Variants in PCF11 observed in about 807,000 individuals in gnomAD.
PCF11 encodes the protein PCF11 cleavage and polyadenylation factor subunit.
Under a neutral mutation model 166.1 loss-of-function variants are expected in PCF11, and 19 were observed. The ratio of observed to expected loss-of-function variants is 0.11; its 90% CI spans 0.08 to 0.17. PCF11 has a LOEUF of 0.17. Among genes scored for constraint, PCF11 ranks in the 10% least tolerant of loss-of-function variants. The probability of loss-of-function intolerance (pLI) is 1.00; values close to 1 mark genes in which losing one functional copy is unlikely to be tolerated. For missense variants in PCF11, 1,565 were observed against 1,855.5 expected (o/e 0.84, Z 2.88); for synonymous variants, 663 against 644.1 (o/e 1.03, Z -0.44).
At chr11:83,166,125 G>T (rs748571255) in exon 5 of PCF11, 2 of 1,610,824 alleles carry the variant, frequency 1.2e-6, no homozygotes, top group African/African-American at 2.7e-5. Context: ...ACATCTTCAG[G>T]ATAAGACCGA....
chr11:83,159,410 C>T (rs1163446276), intron 1 of PCF11, among the ~76,000 whole-genome samples: 1 of 152,126 alleles, frequency 6.6e-6, no homozygotes, highest in South Asian at 2.1e-4. Context: ...ATTTAATATT[C>T]CACAGCGCCT....
chr11:83,184,966 T>C (rs1009924440), exon 16 of PCF11: 6 of 972,244 alleles, frequency 6.2e-6, no homozygotes, highest in Non-Finnish European at 7.7e-6. Context: ...AGAATTTTTT[T>C]ATGTATATAT....
intron 13 of PCF11, 35 bp from the exon 14 acceptor site, chr11:83,182,364 T>C (rs1466147997): frequency 1.9e-6 from 2 of 1,054,544 alleles, no homozygotes; most frequent in East Asian, 4.7e-5. Context: ...ATATGGTCTA[T>C]TATGTAAATT....
intron 9 of PCF11, among the ~76,000 whole-genome samples, chr11:83,172,419 TTTTA>T (rs565457933): frequency 2.0e-5 from 3 of 152,032 alleles, no homozygotes; most frequent in Non-Finnish European, 2.9e-5. Flanking sequence ...TGGATTTTAG[TTTTA>T]TTTATTTATT....
At position 83,167,314 on chromosome 11, in the gene PCF11, T is replaced by C; in HGVS notation, c.2001+6T>C. On this transcript the variant is annotated splice_donor_region_variant and intron_variant, in intron 6 of 15. Transcript: ENST00000298281. This position sits in a 1 kb window ranked among gnomAD's most constrained non-coding sequence, Gnocchi z 4.2. ...AAAGAGAATTACTTCAAAAGGTAGTTACTATGATTAATCCCATGTAGTCAT... is the reference window on the plus strand; with the variant it reads ...AAAGAGAATTACTTCAAAAGGTAGTCACTATGATTAATCCCATGTAGTCAT... The C allele has an allele frequency of 4.3e-6, 7 of 1,609,758 alleles. No individual in the cohort carries two copies. The highest frequency in any genetic ancestry group is 5.9e-6 in the Non-Finnish European group (7 of 1,176,792).
exon 8 of PCF11, chr11:83,169,574 G>C (rs766676217): frequency 1.9e-5 from 30 of 1,613,982 alleles, no homozygotes; most frequent in Middle Eastern, 3.3e-4. Context: ...GGACCACCTG[G>C]ACAGCAGGTT....
intron 3 of PCF11, 128 bp from the exon 4 acceptor site, chr11:83,164,079 T>C: frequency 1.5e-6 from 1 of 668,692 alleles, no homozygotes; most frequent in Non-Finnish European, 2.5e-6. Flanking sequence ...TTTTGGGTTT[T>C]AAATTTCTGA....
exon 12 of PCF11, chr11:83,181,067 T>C: frequency 6.2e-7 from 1 of 1,604,068 alleles, no homozygotes; most frequent in East Asian, 2.2e-5. Context: ...TCTTGTGGAA[T>C]GAGGTTTACA....
In PCF11 at chr11:83,161,021, CCTT is replaced by C. The variant is rs572209371; in HGVS notation, c.193-305_193-303del. ...ATAAAGTAATTTTCCCTCGCCTCCT[CCTT>C]ATTTTTGTCACTTAAAACACAGGTC... On this transcript the variant is annotated intron_variant, in intron 1 of 15. Transcript: ENST00000298281. Among the ~76,000 whole-genome samples, 326 of 152,290 alleles carry C rather than the reference CCTT, an allele frequency of 2.1e-3. 1 individual carries two copies. The highest frequency in any genetic ancestry group is 2.4e-3 in the Non-Finnish European group (161 of 68,012).
At chr11:83,161,514 A>G (rs1376345998) in intron 2 of PCF11, 62 bp downstream of exon 2, 1 of 1,304,464 alleles carries the variant, frequency 7.7e-7, no homozygotes, top group Non-Finnish European at 1.0e-6. Context: ...GATTAAATAA[A>G]TATTTGCTTT....
At chr11:83,166,036 A>G in exon 5 of PCF11, 1 of 1,602,126 alleles carries the variant, frequency 6.2e-7, no homozygotes, top group Non-Finnish European at 8.5e-7. Flanking sequence ...AAATTATCTC[A>G]CACAAAAGAC....
chr11:83,167,774 C>G lies in PCF11; in HGVS notation c.2092+269C>G. On this transcript the variant is annotated intron_variant, in intron 7 of 15. Coordinates refer to ENST00000298281, the Ensembl canonical transcript of PCF11. The surrounding 1 kb of genome is among the most constrained non-coding windows in gnomAD (Gnocchi z 4.2). Reference sequence around the variant, plus strand: ...GTAGGAATAGTGGAGCACAGTTTGACAGAAAAGAACAATTTAGTGAAAGAG... The same window carrying G: ...GTAGGAATAGTGGAGCACAGTTTGAGAGAAAAGAACAATTTAGTGAAAGAG... 2 of 1,411,804 alleles carry G rather than the reference C, an allele frequency of 1.4e-6. No homozygotes were observed. Among genetic ancestry groups the G allele is most frequent in the Non-Finnish European group, 1.9e-6 (2 of 1,068,848 alleles). The allele number at this position is 1,411,804 out of a possible 1,614,324, so 87.5% of individuals were successfully genotyped here. A position where few individuals can be genotyped will look rare whatever the true frequency, so the allele number is the denominator to read the frequency against.
intron 9 of PCF11, among the ~76,000 whole-genome samples, chr11:83,172,949 A>T (rs1165908018): frequency 1.3e-5 from 2 of 152,170 alleles, no homozygotes; most frequent in African/African-American, 4.8e-5. Flanking sequence ...AAATTCAATG[A>T]ATTTGGAAGC....
chr11:83,168,936 A>T, exon 8 of PCF11: 2 of 1,613,558 alleles, frequency 1.2e-6, no homozygotes, highest in Non-Finnish European at 8.5e-7. Context: ...GATTTGAGGG[A>T]CCAGGAGGCC....
chr11:83,178,316 G>A (rs920852364), intron 11 of PCF11, among the ~76,000 whole-genome samples: 3 of 151,740 alleles, frequency 2.0e-5, no homozygotes, highest in African/African-American at 4.8e-5. Flanking sequence ...CACCACACCT[G>A]GTCCCTCAAA....
intron 9 of PCF11, among the ~76,000 whole-genome samples, chr11:83,173,501 G>A (rs1860760972): frequency 6.7e-6 from 1 of 149,740 alleles, no homozygotes; most frequent in Non-Finnish European, 1.5e-5. Flanking sequence ...GGTAGTATCA[G>A]TATTTGTCTG....
At position 83,167,943 on chromosome 11, in the gene PCF11, GTGAAGGGAAAA is replaced by G; in HGVS notation, c.2092+443_2092+453del. 8.1e-7 allele frequency: 1 copy of G among 1,239,778 alleles called. No individual in the cohort carries two copies. The highest frequency in any genetic ancestry group is 1.0e-6 in the Non-Finnish European group (1 of 965,688). 76.8% of individuals were successfully genotyped at this position (1,239,778 alleles called of 1,614,324 possible). ...ATTATGCCTATTGAATCACACAGCAGTGAAGGGAAAATGAACAAGCTAAGTGGGGATGGATT... is the reference window on the plus strand; with the variant it reads ...ATTATGCCTATTGAATCACACAGCAGTGAACAAGCTAAGTGGGGATGGATT... On this transcript the variant is annotated intron_variant, in intron 7 of 15. Coordinates refer to ENST00000298281, the Ensembl canonical transcript of PCF11. The surrounding 1 kb of genome is among the most constrained non-coding windows in gnomAD (Gnocchi z 4.2).
chr11:83,160,923 G>A (rs1032976799), intron 1 of PCF11, among the ~76,000 whole-genome samples: 2 of 152,182 alleles, frequency 1.3e-5, no homozygotes, highest in African/African-American at 4.8e-5. Context: ...TCTACAAGAG[G>A]TCTAAAAACT....
chr11:83,168,356 G>A (rs1860547137), intron 7 of PCF11, 72 bp from the exon 8 acceptor site: 2 of 1,342,354 alleles, frequency 1.5e-6, no homozygotes, highest in Admixed American at 5.4e-5. Flanking sequence ...TATATATTTG[G>A]ATAAACATTC....
Sources: gnomAD v4.1 joint callset for allele counts (sites outside exome capture counted in the v4.1 genomes callset) on GRCh38, gnomAD v4.1.1 for gene constraint, Gnocchi (gnomAD v3.1) non-coding constraint, MANE v1.5 for transcripts, NCBI Gene and HGNC (gene_info 2026-07-23, HGNC 2026-07-21) for gene names.